Variants in KLRF1 observed in about 807,000 individuals in gnomAD.
KLRF1 encodes the protein killer cell lectin like receptor F1.
A neutral mutation model predicts 30.7 loss-of-function variants in KLRF1; 27 were observed. The ratio of observed to expected loss-of-function variants is 0.88; its 90% CI spans 0.65 to 1.21. KLRF1 has a LOEUF of 1.21. KLRF1 is among the 50% of genes most tolerant of loss of function. The probability of loss-of-function intolerance (pLI) is 0.00; values close to 1 mark genes in which losing one functional copy is unlikely to be tolerated. For synonymous variants in KLRF1, 92 were observed against 89.3 expected, an observed-to-expected ratio of 1.03 and a Z score of -0.17; for missense variants, 246 against 259.3, an observed-to-expected ratio of 0.95 and a Z score of 0.35.
chr12:9,843,046 C>A (rs1393191939), intron 5 of KLRF1, among the ~76,000 whole-genome samples: 1 of 152,060 alleles, frequency 6.6e-6, no homozygotes, highest in Non-Finnish European at 1.5e-5. Context: ...GCAAAAGAGC[C>A]TTTGCAGGTA....
chr12:9,833,267 A>T (rs1399447666), intron 2 of KLRF1, 36 bp from the exon 3 acceptor site: 1 of 1,449,070 alleles, frequency 6.9e-7, no homozygotes, highest in Non-Finnish European at 9.3e-7. Context: ...CATAGAGAAG[A>T]TATTTACCTA....
upstream of KLRF1, among the ~76,000 whole-genome samples, chr12:9,823,835 A>G (rs1867252959): frequency 6.6e-6 from 1 of 152,150 alleles, no homozygotes; most frequent in South Asian, 2.1e-4. Context: ...AATAACCATC[A>G]AAGACTACTA....
Position 9,833,301 on chromosome 12 carries a change from A to G in KLRF1, c.185-2A>G, listed in dbSNP as rs774836411. 12 of 1,588,198 alleles carry G rather than the reference A, an allele frequency of 7.6e-6. No individual in the cohort carries two copies. The Admixed American group carries it at 1.4e-4, about 19-fold the overall frequency. On this transcript the variant is annotated splice_acceptor_variant, in intron 2 of 5. Transcript: ENST00000617889. LOFTEE classifies it high-confidence loss of function. ...TAACCTTAAAATAGTCCTGTATTCAAGTTTCTCAGGGAGTATTGCTAAAAT... is the reference window on the plus strand; with the variant it reads ...TAACCTTAAAATAGTCCTGTATTCAGGTTTCTCAGGGAGTATTGCTAAAAT...
intron 3 of KLRF1, among the ~76,000 whole-genome samples, chr12:9,836,522 G>A (rs1221476672): frequency 6.6e-6 from 1 of 151,860 alleles, no homozygotes; most frequent in Non-Finnish European, 1.5e-5. Flanking sequence ...TTACTTTTAA[G>A]TTTAACTTTT....
upstream of KLRF1, among the ~76,000 whole-genome samples, chr12:9,822,705 T>C (rs1301844176): frequency 1.3e-5 from 2 of 152,126 alleles, no homozygotes; most frequent in South Asian, 2.1e-4. Flanking sequence ...AGCTCAATGG[T>C]ATGCTATCTT....
upstream of KLRF1, among the ~76,000 whole-genome samples, chr12:9,824,728 C>T (rs1867262281): frequency 6.6e-6 from 1 of 152,096 alleles, no homozygotes; most frequent in South Asian, 2.1e-4. Flanking sequence ...ATACTCTTGG[C>T]CAAAAAGCTC....
In KLRF1 at chr12:9,833,393, G is replaced by T; in HGVS notation, c.275G>T (p.Gly92Val). The T allele has an allele frequency of 1.2e-6, 2 of 1,612,200 alleles. No homozygotes were observed. Among genetic ancestry groups the T allele is most frequent in the East Asian group, 4.5e-5 (2 of 44,762 alleles). ...EDTGDLKVNN[G>V]TRRNISNKDL... is the part of the protein sequence containing the mutation. ...ACTGGAGATCTAAAAGTGAATAATG[G>T]CACAAGAAGAAATATAAGTAATAAG... Residue 92 changes from glycine to valine, a missense_variant, in exon 3 of 6, where the codon GGC becomes GTC. By Grantham distance (109) the Gly-to-Val change is moderately radical. Transcript: ENST00000617889.
chr12:9,814,673 C>G, the KLRF1 span, among the ~76,000 whole-genome samples: 1 of 152,248 alleles, frequency 6.6e-6, no homozygotes, highest in Non-Finnish European at 1.5e-5. Context: ...GTACGGCCCA[C>G]AAGTGCCCAA....
At chr12:9,816,083 G>C in the KLRF1 span, among the ~76,000 whole-genome samples, 3 of 152,208 alleles carry the variant, frequency 2.0e-5, no homozygotes, top group Non-Finnish European at 4.4e-5. Context: ...CTCCCAAAGT[G>C]CTGAGATTAA....
chr12:9,802,806 AAG>A, the KLRF1 span, among the ~76,000 whole-genome samples: 1 of 152,076 alleles, frequency 6.6e-6, no homozygotes, highest in Non-Finnish European at 1.5e-5. Flanking sequence ...TCAAGGAAAT[AAG>A]AGAGGACACA....
chr12:9,811,503 C>T, the KLRF1 span, among the ~76,000 whole-genome samples: 11 of 152,068 alleles, frequency 7.2e-5, no homozygotes, highest in Non-Finnish European at 1.5e-4. Flanking sequence ...CATGCAGAGC[C>T]CGTTATACTC....
At position 9,844,601 on chromosome 12, in the gene KLRF1, G is replaced by C; in HGVS notation, c.*75G>C. On this transcript the variant is annotated 3_prime_UTR_variant, in exon 6 of 6. Transcript: ENST00000617889. ...TATTAGTTTCTAATATTAATCTCCA[G>C]GTGTAAGATTTTAAAGTGCAATTAA... 1 of 770,986 alleles carries C rather than the reference G, an allele frequency of 1.3e-6. No individual in the cohort carries two copies. The highest frequency in any genetic ancestry group is 1.6e-5 in the South Asian group (1 of 62,732). The allele number at this position is 770,986 out of a possible 1,614,324, so 47.8% of individuals were successfully genotyped here. A position where few individuals can be genotyped will look rare whatever the true frequency, so the allele number is the denominator to read the frequency against.
chr12:9,807,412 T>G, the KLRF1 span, among the ~76,000 whole-genome samples: 2 of 152,120 alleles, frequency 1.3e-5, no homozygotes, highest in Non-Finnish European at 2.9e-5. Context: ...ATTTCTTTGT[T>G]TCTCAGGTAT....
At chr12:9,839,273 T>G (rs770303396) in intron 3 of KLRF1, among the ~76,000 whole-genome samples, 44 of 152,200 alleles carry the variant, frequency 2.9e-4, no homozygotes, top group African/African-American at 1.0e-3. Flanking sequence ...TCAGGACTCT[T>G]ACGAGTACTA....
At chr12:9,802,426 C>T in the KLRF1 span, among the ~76,000 whole-genome samples, 1 of 152,058 alleles carries the variant, frequency 6.6e-6, no homozygotes, top group East Asian at 1.9e-4. Flanking sequence ...AAAACCGGCA[C>T]AAGACAAGTA....
chr12:9,820,875 A>G, the KLRF1 span, among the ~76,000 whole-genome samples: 1 of 152,154 alleles, frequency 6.6e-6, no homozygotes, highest in African/African-American at 2.4e-5. Flanking sequence ...ACATACAGAA[A>G]GAGTCCAGCC....
At chr12:9,820,167 T>G in the KLRF1 span, among the ~76,000 whole-genome samples, 30,246 of 150,854 alleles carry the variant, frequency 0.2, 3,248 homozygotes, top group African/African-American at 0.25. Context: ...GCCAGCAACA[T>G]GTTGGAACCT....
At chr12:9,811,546 A>T in the KLRF1 span, among the ~76,000 whole-genome samples, 1 of 152,164 alleles carries the variant, frequency 6.6e-6, no homozygotes. Context: ...AACTAAGCAG[A>T]TCCAATCCAA....
intron 5 of KLRF1, among the ~76,000 whole-genome samples, chr12:9,842,680 T>C (rs1010873256): frequency 2.0e-5 from 3 of 152,146 alleles, no homozygotes; most frequent in Non-Finnish European, 4.4e-5. Flanking sequence ...ATTGAATGAA[T>C]GCAGTCTCTT....
Sources: gnomAD v4.1 joint callset for allele counts (sites outside exome capture counted in the v4.1 genomes callset) on GRCh38, gnomAD v4.1.1 for gene constraint, MANE v1.5 for transcripts, NCBI Gene and HGNC (gene_info 2026-07-23, HGNC 2026-07-21) for gene names.